Variants in NKAIN2 observed in about 807,000 individuals in gnomAD.
The protein encoded by NKAIN2 is sodium/potassium-transporting ATPase subunit beta-1-interacting protein 2.
In NKAIN2, 14 loss-of-function variants were observed where a neutral mutation model predicts 32.6. That is an observed-to-expected ratio of 0.43 (90% CI 0.28 to 0.67). NKAIN2 has a LOEUF of 0.67. Among genes scored for constraint, NKAIN2 ranks in the 30% least tolerant of loss-of-function variants. The pLI, the probability that NKAIN2 is intolerant of heterozygous loss-of-function variation, is 0.17. For missense variants in NKAIN2, 198 were observed against 258.3 expected (o/e 0.77, Z 1.60); for synonymous variants, 80 against 87.2 (o/e 0.92, Z 0.46).
At chr6:124,163,570 T>C (rs1308811680) in intron 1 of NKAIN2, among the ~76,000 whole-genome samples, 1 of 152,018 alleles carries the variant, frequency 6.6e-6, no homozygotes, top group Non-Finnish European at 1.5e-5. Flanking sequence ...CTATGTAAAA[T>C]GGTAAGACAT....
At chr6:124,185,707 G>A (rs781601585) in intron 1 of NKAIN2, among the ~76,000 whole-genome samples, 1 of 152,114 alleles carries the variant, frequency 6.6e-6, no homozygotes, top group Non-Finnish European at 1.5e-5. Flanking sequence ...CTAAGTGAAA[G>A]CTCTTAATGA....
At chr6:124,127,833 C>A (rs529565643) in intron 1 of NKAIN2, among the ~76,000 whole-genome samples, 107 of 151,950 alleles carry the variant, frequency 7.0e-4, no homozygotes, top group Middle Eastern at 3.4e-3. Context: ...GTTGCTATTC[C>A]CGTTTTTTTT....
At chr6:124,440,093 C>A (rs1380111522) in intron 3 of NKAIN2, among the ~76,000 whole-genome samples, 1 of 152,080 alleles carries the variant, frequency 6.6e-6, no homozygotes, top group Non-Finnish European at 1.5e-5. Flanking sequence ...TATATTTCTG[C>A]ATTAACCAAT....
chr6:124,045,162 A>C, intron 1 of NKAIN2, among the ~76,000 whole-genome samples: 1 of 151,946 alleles, frequency 6.6e-6, no homozygotes, highest in South Asian at 2.1e-4. Context: ...TCTGGCTAAA[A>C]TATATATCAA....
chr6:124,615,193 A>G (rs1032557343), intron 3 of NKAIN2, among the ~76,000 whole-genome samples: 1 of 152,190 alleles, frequency 6.6e-6, no homozygotes, highest in Non-Finnish European at 1.5e-5. Context: ...TCCATTGCCC[A>G]TATATCCCCC....
intron 2 of NKAIN2, among the ~76,000 whole-genome samples, chr6:124,316,958 A>G (rs1379196992): frequency 6.6e-6 from 1 of 151,996 alleles, no homozygotes; most frequent in Non-Finnish European, 1.5e-5. Context: ...GTAGCTATGG[A>G]AGGTTAAAAG....
chr6:124,535,798 A>G (rs1318433058), intron 3 of NKAIN2, among the ~76,000 whole-genome samples: 1 of 152,204 alleles, frequency 6.6e-6, no homozygotes, highest in African/African-American at 2.4e-5. Flanking sequence ...AGCAGCCTGT[A>G]AGTTTCTCTC....
chr6:123,828,255 C>T (rs1383535472), intron 1 of NKAIN2, among the ~76,000 whole-genome samples: 1 of 152,066 alleles, frequency 6.6e-6, no homozygotes, highest in East Asian at 1.9e-4. Flanking sequence ...TCTGTATTAC[C>T]TGGTCCAGTC....
At chr6:124,187,507 G>A (rs1789804862) in intron 1 of NKAIN2, among the ~76,000 whole-genome samples, 1 of 152,034 alleles carries the variant, frequency 6.6e-6, no homozygotes, top group Non-Finnish European at 1.5e-5. Flanking sequence ...CATATTTTTG[G>A]TCTTATCCTA....
At chr6:124,528,959 T>C (rs565028927) in intron 3 of NKAIN2, among the ~76,000 whole-genome samples, 34 of 152,308 alleles carry the variant, frequency 2.2e-4, no homozygotes, top group African/African-American at 7.5e-4. Context: ...GGAATAAAGC[T>C]ACAGCTTCTT....
At chr6:123,949,771 C>A (rs1400978973) in intron 1 of NKAIN2, among the ~76,000 whole-genome samples, 1 of 151,998 alleles carries the variant, frequency 6.6e-6, no homozygotes, top group Non-Finnish European at 1.5e-5. Context: ...TATTCTTCTT[C>A]AATTTTGATG....
At chr6:124,784,867 T>C (rs1779430032) in intron 4 of NKAIN2, among the ~76,000 whole-genome samples, 1 of 152,118 alleles carries the variant, frequency 6.6e-6, no homozygotes, top group Admixed American at 6.6e-5. Flanking sequence ...TTTCAAGATA[T>C]CTGTTTTTGG....
chr6:124,693,717 G>C (rs1350904476), intron 4 of NKAIN2, among the ~76,000 whole-genome samples: 1 of 152,166 alleles, frequency 6.6e-6, no homozygotes, highest in African/African-American at 2.4e-5. Flanking sequence ...ACACAGTTTG[G>C]CATTTGTGTG....
At chr6:124,016,905 T>G (rs1780598493) in intron 1 of NKAIN2, among the ~76,000 whole-genome samples, 1 of 152,204 alleles carries the variant, frequency 6.6e-6, no homozygotes. Flanking sequence ...ACACTTGTGG[T>G]AGACTAAGAT....
chr6:124,367,268 G>T (rs538414554), intron 3 of NKAIN2, among the ~76,000 whole-genome samples: 1 of 152,168 alleles, frequency 6.6e-6, no homozygotes, highest in African/African-American at 2.4e-5. Flanking sequence ...TTCAATGTTG[G>T]AATCATGTTT....
At chr6:124,043,729 C>T (rs1324867601) in intron 1 of NKAIN2, among the ~76,000 whole-genome samples, 1 of 152,028 alleles carries the variant, frequency 6.6e-6, no homozygotes, top group African/African-American at 2.4e-5. Flanking sequence ...AGCAGATTGT[C>T]TTACATTCCT....
intron 3 of NKAIN2, among the ~76,000 whole-genome samples, chr6:124,517,035 ATACTC>A: frequency 6.6e-6 from 1 of 152,162 alleles, no homozygotes; most frequent in Non-Finnish European, 1.5e-5. Context: ...AACTTTCTGT[ATACTC>A]TAAAGAACAG....
chr6:124,809,819 C>T (rs190894696), intron 5 of NKAIN2, among the ~76,000 whole-genome samples: 2,484 of 152,102 alleles, frequency 0.016, 64 homozygotes, highest in African/African-American at 0.056. Context: ...AAAAAGTGGG[C>T]GAAGGACATG....
At chr6:124,701,153 G>GCACACACACA (rs60670238) in intron 4 of NKAIN2, among the ~76,000 whole-genome samples, 1 of 132,030 alleles carries the variant, frequency 7.6e-6, no homozygotes, top group African/African-American at 2.7e-5. Context: ...ACACACACAC[G>GCACACACACA]CACACACACA....
Sources: allele counts gnomAD v4.1 joint callset (sites outside exome capture counted in the v4.1 genomes callset), GRCh38; gene constraint gnomAD v4.1.1; transcripts MANE v1.5; gene names NCBI Gene and HGNC (gene_info 2026-07-23, HGNC 2026-07-21).